The following PPP2R2B variants were observed in gnomAD, a reference collection of about 807,000 sequenced individuals.
The protein encoded by PPP2R2B is serine/threonine-protein phosphatase 2A 55 kDa regulatory subunit B beta isoform.
Under a neutral mutation model 46.0 loss-of-function variants are expected in PPP2R2B, and 5 were observed. That is an observed-to-expected ratio of 0.11 (90% confidence interval 0.06 to 0.23). PPP2R2B has a LOEUF of 0.23. PPP2R2B is among the 10% of genes least tolerant of loss of function. The probability of loss-of-function intolerance (pLI) is 1.00; values close to 1 mark genes in which losing one functional copy is unlikely to be tolerated. For synonymous variants in PPP2R2B, 215 were observed against 206.7 expected (o/e 1.04, Z -0.34); for missense variants, 367 against 575.0 (o/e 0.64, Z 3.70).
intron 2 of PPP2R2B, among the ~76,000 whole-genome samples, chr5:146,828,823 C>A (rs2151345999): frequency 6.6e-6 from 1 of 152,262 alleles, no homozygotes; most frequent in South Asian, 2.1e-4. Flanking sequence ...TCAAATAACT[C>A]CTTACACAGG....
chr5:146,597,408 A>G (rs1206953867), intron 8 of PPP2R2B, among the ~76,000 whole-genome samples: 1 of 152,072 alleles, frequency 6.6e-6, no homozygotes, highest in Non-Finnish European at 1.5e-5. Flanking sequence ...GATTCTATCA[A>G]TTCTTAAAAT....
At chr5:146,632,285 G>A (rs1347892258) in intron 7 of PPP2R2B, among the ~76,000 whole-genome samples, 1 of 152,146 alleles carries the variant, frequency 6.6e-6, no homozygotes, top group African/African-American at 2.4e-5. Flanking sequence ...TACAAGCCAA[G>A]GAGAGCAGTG....
intron 7 of PPP2R2B, among the ~76,000 whole-genome samples, chr5:146,615,525 A>T (rs1773082159): frequency 6.8e-6 from 1 of 147,374 alleles, no homozygotes; most frequent in South Asian, 2.2e-4. Context: ...TAAAAAAAAA[A>T]AAAAAGAAAA....
At chr5:147,061,767 G>T (rs574315381) in intron 2 of PPP2R2B, among the ~76,000 whole-genome samples, 1 of 152,242 alleles carries the variant, frequency 6.6e-6, no homozygotes, top group African/African-American at 2.4e-5. Flanking sequence ...AAGAAAAAAA[G>T]CCCAGTGCCT....
intron 2 of PPP2R2B, among the ~76,000 whole-genome samples, chr5:147,078,563 G>T (rs1011177243): frequency 2.0e-5 from 3 of 152,016 alleles, no homozygotes; most frequent in East Asian, 3.9e-4. Flanking sequence ...CAAGGCAGGC[G>T]GATCACGAGG....
intron 1 of PPP2R2B, among the ~76,000 whole-genome samples, chr5:147,023,593 G>A (rs942147606): frequency 6.6e-6 from 1 of 152,206 alleles, no homozygotes; most frequent in African/African-American, 2.4e-5. Context: ...ATATAAAGCA[G>A]ATGGCAGGCT....
Position 146,803,647 on chromosome 5 carries a change from G to A in PPP2R2B, c.70+74355C>T, listed in dbSNP as rs950085777. Among the ~76,000 whole-genome samples the A allele has an allele frequency of 5.9e-5, 9 of 152,106 alleles. 1 individual carries two copies. Among genetic ancestry groups the A allele is most frequent in the Non-Finnish European group, 1.5e-5 (1 of 68,030 alleles). On this transcript the variant is annotated intron_variant, in intron 2 of 9. Transcript: ENST00000394411. ...AATTTTTCAAAGCCCTATGACATGT[G>A]CAGCTCCTAAAAATATAAGGAAAGC...
chr5:146,696,308 G>A (rs1779179925), intron 4 of PPP2R2B, among the ~76,000 whole-genome samples: 1 of 152,104 alleles, frequency 6.6e-6, no homozygotes, highest in South Asian at 2.1e-4. Flanking sequence ...GTTTCACCGT[G>A]TTAGCCAGGA....
intron 1 of PPP2R2B, among the ~76,000 whole-genome samples, chr5:147,000,496 T>C (rs1023553874): frequency 6.6e-6 from 1 of 152,076 alleles, no homozygotes; most frequent in Non-Finnish European, 1.5e-5. Context: ...TGGGCCTTTG[T>C]TTTTCCTTAT....
At chr5:146,962,048 C>T (rs1752193619) in intron 1 of PPP2R2B, among the ~76,000 whole-genome samples, 1 of 149,024 alleles carries the variant, frequency 6.7e-6, no homozygotes, top group Non-Finnish European at 1.5e-5. Context: ...GTTAGAACTT[C>T]AAAAAGAAGG....
intron 2 of PPP2R2B, among the ~76,000 whole-genome samples, chr5:146,716,286 C>G (rs909833108): frequency 6.6e-6 from 1 of 152,120 alleles, no homozygotes; most frequent in Non-Finnish European, 1.5e-5. Context: ...AACTGTAACT[C>G]TTTGTACTTT....
intron 1 of PPP2R2B, among the ~76,000 whole-genome samples, chr5:146,988,458 G>T (rs1035278620): frequency 2.6e-5 from 4 of 151,716 alleles, no homozygotes; most frequent in Non-Finnish European, 5.9e-5. Context: ...ACAATAACAA[G>T]AAGAAATTTG....
At chr5:146,685,819 TA>T (rs1778463580) in intron 5 of PPP2R2B, among the ~76,000 whole-genome samples, 6 of 152,146 alleles carry the variant, frequency 3.9e-5, no homozygotes. Context: ...ATCTTTCCTT[TA>T]AAAATCAGTG....
intron 9 of PPP2R2B, among the ~76,000 whole-genome samples, chr5:146,591,762 G>A (rs1483255439): frequency 6.6e-6 from 1 of 150,902 alleles, no homozygotes; most frequent in African/African-American, 2.4e-5. Flanking sequence ...GTTGATCTTA[G>A]GATTCAAACT....
At chr5:146,653,501 C>G (rs567726991) in intron 5 of PPP2R2B, among the ~76,000 whole-genome samples, 7 of 152,168 alleles carry the variant, frequency 4.6e-5, no homozygotes, top group Non-Finnish European at 8.8e-5. Flanking sequence ...CCTGGTTCCT[C>G]TGCCGTCAAG....
chr5:146,877,873 G>A, intron 2 of PPP2R2B, 129 bp downstream of exon 2: 1 of 1,135,848 alleles, frequency 8.8e-7, no homozygotes, highest in Non-Finnish European at 1.2e-6. Context: ...GCCGGGGCCA[G>A]CCGAGCCCCC....
chr5:146,784,989 C>G (rs1222047581), intron 2 of PPP2R2B, among the ~76,000 whole-genome samples: 1 of 152,144 alleles, frequency 6.6e-6, no homozygotes, highest in Admixed American at 6.5e-5. Flanking sequence ...AAGAGTCACC[C>G]AAGAGTGCAT....
chr5:146,787,066 C>T (rs1250101890), intron 2 of PPP2R2B, among the ~76,000 whole-genome samples: 2 of 152,176 alleles, frequency 1.3e-5, no homozygotes, highest in East Asian at 3.9e-4. Context: ...TCTTTAGTAG[C>T]AGATGTGGGA....
chr5:146,839,197 C>T (rs747854107), intron 2 of PPP2R2B, among the ~76,000 whole-genome samples: 2 of 152,164 alleles, frequency 1.3e-5, no homozygotes, highest in Non-Finnish European at 2.9e-5. Flanking sequence ...ATACTCAAGT[C>T]AAATACATAT....
Sources: gnomAD v4.1 joint callset for allele counts (sites outside exome capture counted in the v4.1 genomes callset) on GRCh38, gnomAD v4.1.1 for gene constraint, MANE v1.5 for transcripts, NCBI Gene and HGNC (gene_info 2026-07-23, HGNC 2026-07-21) for gene names.